P2RX5: variants seen among roughly 807,000 people sequenced by gnomAD.
P2RX5 encodes the protein P2X purinoceptor 5.
In P2RX5, 46 loss-of-function variants were observed where a neutral mutation model predicts 54.1. The ratio of observed to expected loss-of-function variants is 0.85; its 90% CI spans 0.67 to 1.09. The LOEUF (loss-of-function observed/expected upper bound fraction) is 1.09, where lower values mean the gene tolerates loss of function less well. Among genes scored for constraint, P2RX5 ranks in the 50% least tolerant of loss-of-function variants. P2RX5 has a pLI of 0.00. For missense variants in P2RX5, 566 were observed against 549.8 expected (o/e 1.03, Z -0.29); for synonymous variants, 226 against 226.4 (o/e 1.00, Z 0.02).
At position 3,688,092 on chromosome 17, in the gene P2RX5, A is replaced by G. The variant is rs762242643; in HGVS notation, c.901T>C (p.Tyr301His). 6.3e-7 allele frequency: 1 copy of G among 1,598,484 alleles called. No homozygotes were observed. The highest frequency in any genetic ancestry group is 1.7e-5 in the Admixed American group (1 of 59,290). ...SGYNFRFARY[Y>H]RDAAGVEFRT... ...AACTCCACCCCGGCTGCGTCTCGGTAATATCTGGCAAATCTGAGGGAGACA... is the reference window on the plus strand; with the variant it reads ...AACTCCACCCCGGCTGCGTCTCGGTGATATCTGGCAAATCTGAGGGAGACA... The change falls in exon 9 of 12, where the codon TAC becomes CAC. Residue 301 changes from tyrosine (Y) to histidine (H), a missense_variant. By Grantham distance (83) the Tyr-to-His change is moderately conservative. Transcript: ENST00000225328.
chr17:3,688,165 C>CCACATCAGTGCTGCCTA, intron 8 of P2RX5, 60 bp from the exon 9 acceptor site: 1 of 900,600 alleles, frequency 1.1e-6, no homozygotes, highest in Non-Finnish European at 1.8e-6. Flanking sequence ...CTTTAGGCAG[C>CCACATCAGTGCTGCCTA]ACTGATGTGG....
At chr17:3,701,348 G>T in the P2RX5 span, among the ~76,000 whole-genome samples, 1 of 152,120 alleles carries the variant, frequency 6.6e-6, no homozygotes, top group Non-Finnish European at 1.5e-5. Context: ...GACACCTCTG[G>T]TCTAGTTGGA....
chr17:3,700,697 GCGGTGTAGGGT>G (rs1455246010), upstream of P2RX5, among the ~76,000 whole-genome samples: 1 of 152,192 alleles, frequency 6.6e-6, no homozygotes, highest in Non-Finnish European at 1.5e-5. Flanking sequence ...GGCCTAGTGG[GCGGTGTAGGGT>G]CATAGATGTG....
chr17:3,677,199 C>A (rs2050124390), intron 11 of P2RX5: 2 of 985,250 alleles, frequency 2.0e-6, no homozygotes, highest in African/African-American at 3.5e-5. Context: ...CTAACTCAGC[C>A]CGTTTACACC....
chr17:3,690,098 T>C lies in P2RX5; in HGVS notation c.586A>G (p.Ile196Val), dbSNP rs1567737479. The C allele has an allele frequency of 1.2e-6, 2 of 1,614,124 alleles. No individual in the cohort carries two copies. The highest frequency in any genetic ancestry group is 1.7e-6 in the Non-Finnish European group (2 of 1,179,998). ...EDFTIFIKNHIRFPKFNFSKS... is the reference protein window; with the variant it reads ...EDFTIFIKNHVRFPKFNFSKS... ...GAGAAGTTGAATTTGGGGAAACGGA[T>C]GTGGTTCTTTATGAAAATGGTGAAG... The change falls in exon 6 of 12, where the codon ATC (isoleucine) becomes GTC (valine). Residue 196 changes from isoleucine (I) to valine (V), a missense_variant. Ile to Val is a conservative substitution (Grantham distance 29). Coordinates refer to ENST00000225328, the MANE Select transcript of P2RX5 (RefSeq NM_002561.4).
intron 10 of P2RX5, among the ~76,000 whole-genome samples, chr17:3,680,536 A>G (rs222769): frequency 1.8e-4 from 8 of 43,358 alleles, no homozygotes; most frequent in African/African-American, 5.9e-4. Flanking sequence ...TCCTCCACCC[A>G]GCGTCCTCCA....
intron 1 of P2RX5, among the ~76,000 whole-genome samples, 182 bp downstream of exon 1, chr17:3,695,687 T>C (rs1267228747): frequency 6.6e-6 from 1 of 152,012 alleles, no homozygotes; most frequent in Non-Finnish European, 1.5e-5. Flanking sequence ...GCCCCCTCTC[T>C]ACACCCTACT....
At position 3,688,807 on chromosome 17, in the gene P2RX5, G is replaced by A. The variant is rs141050273; in HGVS notation, c.754-48C>T. On this transcript the variant is annotated intron_variant, in intron 7 of 11. Transcript: ENST00000225328. Reference sequence around the variant, plus strand: ...TCAGCACACACAGCTTTCCGGAGACGGACAGCATCCCAGGCCAGCCCTTCA... The same window carrying A: ...TCAGCACACACAGCTTTCCGGAGACAGACAGCATCCCAGGCCAGCCCTTCA... 47 of 1,607,756 alleles carry A rather than the reference G, an allele frequency of 2.9e-5. 1 individual carries two copies. In the Admixed American group the frequency reaches 5.8e-4, roughly 20 times the overall value.
In P2RX5 at chr17:3,691,032, G is replaced by A; in HGVS notation, c.289-5C>T. The A allele has an allele frequency of 1.2e-6, 2 of 1,610,398 alleles. No individual in the cohort carries two copies. Among genetic ancestry groups the A allele is most frequent in the Admixed American group, 1.7e-5 (1 of 59,750 alleles). On this transcript the variant is annotated splice_region_variant and splice_polypyrimidine_tract_variant and intron_variant, in intron 2 of 11. Transcript: ENST00000225328. The stretch of plus-strand genomic sequence containing the variant: ...CACAAAAAAGACGTTCTCTCCCTAA[G>A]GAACCAGAGAGGCACTGAGGAACCT...
At chr17:3,723,818 C>G in the P2RX5 span, 3 of 1,571,532 alleles carry the variant, frequency 1.9e-6, no homozygotes, top group Non-Finnish European at 2.6e-6. Flanking sequence ...CCGGCCCCGG[C>G]CCTGGCGAGG....
intron 9 of P2RX5, among the ~76,000 whole-genome samples, chr17:3,686,075 G>A (rs867865702): frequency 1.2e-3 from 5 of 4,036 alleles, no homozygotes; most frequent in Admixed American, 4.6e-3. Context: ...ACAGGAGAAC[G>A]CACAGCGGGG....
chr17:3,707,538 A>G, the P2RX5 span, among the ~76,000 whole-genome samples: 3 of 151,970 alleles, frequency 2.0e-5, no homozygotes, highest in Non-Finnish European at 4.4e-5. Context: ...TCATCCCAGC[A>G]CTCCAACCTT....
Position 3,689,624 on chromosome 17 carries a change from A to G in P2RX5, c.621T>C (p.Asn207=), listed in dbSNP as rs1280641499. 1.2e-5 allele frequency: 19 copies of G among 1,614,100 alleles called. No homozygotes were observed. Among genetic ancestry groups the G allele is most frequent in the Non-Finnish European group, 1.6e-5 (19 of 1,180,000 alleles). ...AAGATCTGTCCTTGACGTCCATCACATTGCTTCTGGGTGGAGGCCATGGGC... is the reference window on the plus strand; with the variant it reads ...AAGATCTGTCCTTGACGTCCATCACGTTGCTTCTGGGTGGAGGCCATGGGC... ...RFPKFNFSKS[N]VMDVKDRSFL... Residue 207 remains asparagine (N), a synonymous_variant, in exon 7 of 12, where the codon AAT becomes AAC. Transcript: ENST00000225328.
chr17:3,695,967 C>T lies in P2RX5; in HGVS notation c.39G>A (p.Leu13=). The change falls in exon 1 of 12, where the codon CTG becomes CTA. Residue 13 remains leucine (L), a synonymous_variant. Coordinates refer to ENST00000225328, the MANE Select transcript of P2RX5 (RefSeq NM_002561.4). ...QAGCKGLCLS[L]FDYKTEKYVI... is the part of the protein sequence containing the mutation. Reference sequence around the variant, plus strand: ...CATACTTCTCGGTCTTGTAGTCGAACAGCGACAGGCAGAGCCCCTTGCAGC... The same window carrying T: ...CATACTTCTCGGTCTTGTAGTCGAATAGCGACAGGCAGAGCCCCTTGCAGC... 2 of 1,614,080 alleles carry T rather than the reference C, an allele frequency of 1.2e-6. No homozygotes were observed. Among genetic ancestry groups the T allele is most frequent in the Non-Finnish European group, 1.7e-6 (2 of 1,179,956 alleles).
chr17:3,691,396 G>A (rs572045971), intron 2 of P2RX5, among the ~76,000 whole-genome samples: 10 of 152,330 alleles, frequency 6.6e-5, no homozygotes, highest in Non-Finnish European at 1.0e-4. Context: ...AAGTTCTCTG[G>A]GTCCCATTTG....
chr17:3,694,153 A>G (rs1405400897), intron 1 of P2RX5, among the ~76,000 whole-genome samples: 1 of 151,444 alleles, frequency 6.6e-6, no homozygotes, highest in Non-Finnish European at 1.5e-5. Context: ...AGTATCAGCC[A>G]CAGAGAGGAA....
chr17:3,701,870 C>T, the P2RX5 span, among the ~76,000 whole-genome samples: 1 of 151,466 alleles, frequency 6.6e-6, no homozygotes, highest in African/African-American at 2.4e-5. Flanking sequence ...ATTCTCCTGC[C>T]TCAGCCTCCC....
chr17:3,682,294 C>T (rs1262218749), intron 9 of P2RX5: 8 of 407,104 alleles, frequency 2.0e-5, no homozygotes, highest in Non-Finnish European at 3.3e-5. Flanking sequence ...GTGTCTGCAC[C>T]GAAGTACGGA....
chr17:3,691,480 G>A (rs1293699348), intron 2 of P2RX5, among the ~76,000 whole-genome samples, 164 bp downstream of exon 2: 1 of 152,216 alleles, frequency 6.6e-6, no homozygotes, highest in African/African-American at 2.4e-5. Context: ...TGGCATGGGA[G>A]GTAGGATCTG....
Sources: allele counts gnomAD v4.1 joint callset (sites outside exome capture counted in the v4.1 genomes callset), GRCh38; gene constraint gnomAD v4.1.1; transcripts MANE v1.5; gene names NCBI Gene and HGNC (gene_info 2026-07-23, HGNC 2026-07-21).